SLCO3A1: variants seen among roughly 807,000 people sequenced by gnomAD.
SLCO3A1 encodes solute carrier organic anion transporter family member 3A1, also known as PGE1 transporter.
A neutral mutation model predicts 63.1 loss-of-function variants in SLCO3A1; 27 were observed. That is an observed-to-expected ratio of 0.43 (90% CI 0.32 to 0.59). The LOEUF is 0.59. Ranked by LOEUF, SLCO3A1 falls within the 20% of genes least tolerant of loss-of-function variation. The pLI, the probability that SLCO3A1 is intolerant of heterozygous loss-of-function variation, is 0.09. For synonymous variants in SLCO3A1, 473 were observed against 409.9 expected (o/e 1.15, Z -1.86); for missense variants, 773 against 945.8 (o/e 0.82, Z 2.40).
chr15:92,061,832 T>C lies in SLCO3A1; in HGVS notation c.647-33049T>C, dbSNP rs1055960411. Among the ~76,000 whole-genome samples the C allele has an allele frequency of 3.3e-5, 5 of 152,198 alleles. No individual in the cohort carries two copies. The East Asian group carries it at 9.6e-4, about 29-fold the overall frequency. ...CTATGGGTTTGTTTGTGGATGCACA[T>C]GTACATCCTTACACAAGGGCCTCCC... On this transcript the variant is annotated intron_variant, in intron 2 of 9. Coordinates refer to ENST00000318445, the MANE Select transcript of SLCO3A1 (RefSeq NM_013272.4).
intron 1 of SLCO3A1, among the ~76,000 whole-genome samples, chr15:91,857,920 G>T (rs1453926232): frequency 6.6e-6 from 1 of 152,140 alleles, no homozygotes; most frequent in Non-Finnish European, 1.5e-5. Context: ...GTGAACAAGG[G>T]GTAGGTATTT....
chr15:92,016,204 TATAGATAGATAGATAG>T lies in SLCO3A1; in HGVS notation c.647-78642_647-78627del, dbSNP rs1039964856. 1.8e-3 allele frequency among the ~76,000 whole-genome samples: 215 copies of T among 120,204 alleles called. 2 individuals carry two copies. The highest frequency in any genetic ancestry group is 6.0e-3 in the African/African-American group (174 of 29,208). The allele number at this position is 120,204 out of a possible 152,430, so 78.9% of individuals were successfully genotyped here. ...TGCAGATTTGTTGTATATATATTTA[TATAGATAGATAGATAG>T]ATAGATAGATAGATAGATAGATAGA... On this transcript the variant is annotated intron_variant, in intron 2 of 9. Coordinates refer to ENST00000318445, the MANE Select transcript of SLCO3A1 (RefSeq NM_013272.4).
intron 2 of SLCO3A1, among the ~76,000 whole-genome samples, chr15:92,030,912 C>T (rs2046639086): frequency 6.6e-6 from 1 of 151,808 alleles, no homozygotes; most frequent in African/African-American, 2.4e-5. Flanking sequence ...AGATGCCAAC[C>T]TATGGAGTTC....
chr15:92,086,701 C>T (rs564283628), intron 2 of SLCO3A1, among the ~76,000 whole-genome samples: 77 of 152,222 alleles, frequency 5.1e-4, no homozygotes, highest in Non-Finnish European at 9.9e-4. Context: ...TTCAGCCGGG[C>T]GCAGTGGCTC....
chr15:91,946,537 A>T (rs1899813219), intron 2 of SLCO3A1, among the ~76,000 whole-genome samples: 1 of 152,206 alleles, frequency 6.6e-6, no homozygotes, highest in Non-Finnish European at 1.5e-5. Context: ...AAAATGATGG[A>T]ATATTTCCCA....
At chr15:91,962,175 G>C (rs1179896646) in intron 2 of SLCO3A1, among the ~76,000 whole-genome samples, 1 of 152,086 alleles carries the variant, frequency 6.6e-6, no homozygotes, top group Non-Finnish European at 1.5e-5. Flanking sequence ...TGACTAGAGT[G>C]GACATTTTAA....
At position 92,163,164 on chromosome 15, in the gene SLCO3A1, A is replaced by C. The variant is rs142666269; in HGVS notation, c.*29A>C. The C allele has an allele frequency of 6.8e-7, 1 of 1,464,594 alleles. No individual in the cohort carries two copies. Among genetic ancestry groups the C allele is most frequent in the East Asian group, 2.4e-5 (1 of 40,836 alleles). 90.7% of individuals were successfully genotyped at this position (1,464,594 alleles called of 1,614,324 possible). A position where few individuals can be genotyped will look rare whatever the true frequency, so the allele number is the denominator to read the frequency against. On this transcript the variant is annotated 3_prime_UTR_variant, in exon 10 of 10. Coordinates refer to ENST00000318445, the MANE Select transcript of SLCO3A1 (RefSeq NM_013272.4). Reference sequence around the variant, plus strand: ...CTAAAGGAGGGCTGAACTCTGTATTAGTAATCCAAGGGTCATTTTTTTCTT... The same window carrying C: ...CTAAAGGAGGGCTGAACTCTGTATTCGTAATCCAAGGGTCATTTTTTTCTT...
chr15:91,877,809 A>G (rs565475289), intron 1 of SLCO3A1, among the ~76,000 whole-genome samples: 10 of 152,328 alleles, frequency 6.6e-5, no homozygotes, highest in East Asian at 5.8e-4. Context: ...TAGTAGCTCA[A>G]TGAACCTACA....
chr15:92,102,595 A>G (rs1454689281), intron 3 of SLCO3A1, among the ~76,000 whole-genome samples: 1 of 152,134 alleles, frequency 6.6e-6, no homozygotes, highest in East Asian at 1.9e-4. Flanking sequence ...CAAGTACTCC[A>G]GGCTTACACT....
chr15:91,868,331 C>T lies in SLCO3A1; in HGVS notation c.180+14243C>T, dbSNP rs1897215564. On this transcript the variant is annotated intron_variant, in intron 1 of 9. Coordinates refer to ENST00000318445, the MANE Select transcript of SLCO3A1 (RefSeq NM_013272.4). ...CCTCACAAAGTGCTGGGATTACAGG[C>T]ATGAACCACCACACCCAGCCGGCTT... Among the ~76,000 whole-genome samples the T allele has an allele frequency of 2.8e-5, 4 of 143,586 alleles. No homozygotes were observed. The Admixed American group carries it at 2.9e-4, about 10-fold the overall frequency. The allele number at this position is 143,586 out of a possible 152,430, so 94.2% of individuals were successfully genotyped here.
chr15:91,905,624 T>TAA (rs1457733013), intron 1 of SLCO3A1, among the ~76,000 whole-genome samples: 2 of 141,014 alleles, frequency 1.4e-5, no homozygotes, highest in East Asian at 4.6e-4. Context: ...AAGGGATGCT[T>TAA]AGTTTTTTGT....
chr15:91,899,409 G>C (rs1898094481), intron 1 of SLCO3A1, among the ~76,000 whole-genome samples: 1 of 152,084 alleles, frequency 6.6e-6, no homozygotes, highest in Non-Finnish European at 1.5e-5. Flanking sequence ...TTATTGAGTG[G>C]TCTCTACTTG....
intron 2 of SLCO3A1, among the ~76,000 whole-genome samples, chr15:91,972,481 C>T (rs1900915466): frequency 6.6e-6 from 1 of 152,142 alleles, no homozygotes; most frequent in Non-Finnish European, 1.5e-5. Context: ...CAGAAAGTGG[C>T]CTTCCAACAG....
At chr15:92,104,192 C>T in intron 3 of SLCO3A1, 87 bp from the exon 4 acceptor site, 1 of 1,478,436 alleles carries the variant, frequency 6.8e-7, no homozygotes, top group Non-Finnish European at 9.2e-7. Flanking sequence ...CCCTTGCCCT[C>T]TCTGTTCAGC....
At chr15:91,943,813 C>T (rs540997048) in intron 2 of SLCO3A1, among the ~76,000 whole-genome samples, 2 of 152,248 alleles carry the variant, frequency 1.3e-5, no homozygotes, top group South Asian at 2.1e-4. Context: ...ATTTGGGCAT[C>T]GCTGGCTTCC....
chr15:92,008,925 A>G (rs1446416704), intron 2 of SLCO3A1, among the ~76,000 whole-genome samples: 3 of 152,202 alleles, frequency 2.0e-5, no homozygotes, highest in African/African-American at 7.2e-5. Flanking sequence ...TCAGCTAGGA[A>G]ACTCTATTTG....
intron 2 of SLCO3A1, among the ~76,000 whole-genome samples, chr15:92,081,243 C>T (rs2047341663): frequency 6.6e-6 from 1 of 152,192 alleles, no homozygotes; most frequent in East Asian, 1.9e-4. Flanking sequence ...CCCCTGCCCC[C>T]TTCCCAGCCT....
rs1808918570 is a variant in SLCO3A1, at chr15:91,882,175, A to T, written c.180+28087A>T. On this transcript the variant is annotated intron_variant, in intron 1 of 9. Coordinates refer to ENST00000318445, the MANE Select transcript of SLCO3A1 (RefSeq NM_013272.4). This position sits in a 1 kb window ranked among gnomAD's most constrained non-coding sequence, Gnocchi z 4.4. ...TCTGAACACTAGGATCACGCTTAGC[A>T]TGGTAATAGTGAGATCTATGCACAG... 6.6e-6 allele frequency among the ~76,000 whole-genome samples: 1 copy of T among 152,160 alleles called. No individual in the cohort carries two copies. The highest frequency in any genetic ancestry group is 2.4e-5 in the African/African-American group (1 of 41,452).
intron 7 of SLCO3A1, among the ~76,000 whole-genome samples, chr15:92,141,202 G>A (rs574417095): frequency 2.6e-5 from 4 of 152,146 alleles, no homozygotes; most frequent in Admixed American, 6.5e-5. Context: ...GAGGCAGCAG[G>A]GACTGCATTT....
Sources: gnomAD v4.1 joint callset for allele counts (sites outside exome capture counted in the v4.1 genomes callset) on GRCh38, gnomAD v4.1.1 for gene constraint, Gnocchi (gnomAD v3.1) non-coding constraint, MANE v1.5 for transcripts, NCBI Gene and HGNC (gene_info 2026-07-23, HGNC 2026-07-21) for gene names.